The following FTO variants were observed in gnomAD, a reference collection of about 807,000 sequenced individuals.
FTO encodes the protein alpha-ketoglutarate-dependent dioxygenase FTO.
FTO carries 47 observed loss-of-function variants against 63.9 expected under a neutral mutation model. The ratio of observed to expected loss-of-function variants is 0.74; its 90% CI spans 0.58 to 0.94. The LOEUF (loss-of-function observed/expected upper bound fraction) is 0.94. Ranked by LOEUF, FTO falls within the 40% of genes least tolerant of loss-of-function variation. The pLI is 0.00. For missense variants in FTO, 562 were observed against 618.1 expected, an observed-to-expected ratio of 0.91 and a Z score of 0.96; for synonymous variants, 207 against 224.4, an observed-to-expected ratio of 0.92 and a Z score of 0.69.
chr16:53,994,783 C>T (rs2083897360), intron 8 of FTO, among the ~76,000 whole-genome samples: 1 of 151,768 alleles, frequency 6.6e-6, no homozygotes, highest in Admixed American at 6.6e-5. Flanking sequence ...GTCCGGACTG[C>T]AGTACAGTGG....
At chr16:53,716,222 C>T (rs535013997) in intron 1 of FTO, among the ~76,000 whole-genome samples, 2 of 152,240 alleles carry the variant, frequency 1.3e-5, no homozygotes, top group African/African-American at 4.8e-5. Flanking sequence ...GTTTACCACC[C>T]TAGGGGGATA....
chr16:53,847,486 G>A (rs1211503779), intron 4 of FTO, among the ~76,000 whole-genome samples: 1 of 152,148 alleles, frequency 6.6e-6, no homozygotes, highest in Admixed American at 6.5e-5. Flanking sequence ...CTGGATTATA[G>A]GCCAGGCGCA....
intron 8 of FTO, among the ~76,000 whole-genome samples, chr16:54,030,865 C>T (rs12446043): frequency 0.13 from 20,384 of 152,098 alleles, 2,885 homozygotes; most frequent in African/African-American, 0.35. Flanking sequence ...TTTACAGATT[C>T]CCTTTAGAAC....
intron 8 of FTO, among the ~76,000 whole-genome samples, chr16:54,004,389 C>CAAAT (rs60440155): frequency 0.015 from 2,217 of 148,570 alleles, 19 homozygotes; most frequent in East Asian, 0.027. Flanking sequence ...CAAGACCCTG[C>CAAAT]AAATAAATAA....
chr16:53,844,988 T>C (rs879640127), intron 4 of FTO, among the ~76,000 whole-genome samples: 3 of 152,018 alleles, frequency 2.0e-5, no homozygotes, highest in Non-Finnish European at 2.9e-5. Context: ...GGCCTTTCTC[T>C]CGACTTGTCA....
At chr16:53,779,772 G>C (rs558830808) in intron 1 of FTO, among the ~76,000 whole-genome samples, 16 of 152,228 alleles carry the variant, frequency 1.1e-4, no homozygotes, top group African/African-American at 3.9e-4. Flanking sequence ...ATTAATGCTA[G>C]CCATGGAAGC....
At chr16:54,010,695 T>A (rs1460342106) in intron 8 of FTO, among the ~76,000 whole-genome samples, 1 of 152,170 alleles carries the variant, frequency 6.6e-6, no homozygotes. Flanking sequence ...GGATTTTAAA[T>A]AACTTAATTC....
chr16:53,947,425 A>G (rs1004731433), intron 8 of FTO, among the ~76,000 whole-genome samples: 2 of 152,208 alleles, frequency 1.3e-5, no homozygotes, highest in Non-Finnish European at 2.9e-5. Flanking sequence ...AGATAACTCT[A>G]TAACTAACTC....
At chr16:53,772,069 G>T (rs930129439) in intron 1 of FTO, among the ~76,000 whole-genome samples, 2 of 151,984 alleles carry the variant, frequency 1.3e-5, no homozygotes, top group African/African-American at 4.8e-5. Flanking sequence ...ATACTTTCTG[G>T]CTTGTATACT....
At chr16:53,943,446 G>A (rs533790693) in intron 8 of FTO, among the ~76,000 whole-genome samples, 2 of 152,122 alleles carry the variant, frequency 1.3e-5, no homozygotes, top group Admixed American at 6.5e-5. Flanking sequence ...TTTCTTAGGG[G>A]CAGTGCTTCT....
At chr16:53,783,613 A>AAAAAC in intron 1 of FTO, among the ~76,000 whole-genome samples, 1 of 149,456 alleles carries the variant, frequency 6.7e-6, no homozygotes, top group Non-Finnish European at 1.5e-5. Context: ...ATAAAAAAAA[A>AAAAAC]AAAAAAAAAA....
intron 1 of FTO, among the ~76,000 whole-genome samples, chr16:53,721,665 G>C (rs1039617120): frequency 6.6e-6 from 1 of 152,176 alleles, no homozygotes; most frequent in Non-Finnish European, 1.5e-5. Flanking sequence ...TCAGTCTTAG[G>C]TTAACAGGTT....
intron 8 of FTO, among the ~76,000 whole-genome samples, chr16:53,985,734 T>G (rs1170657359): frequency 7.9e-5 from 12 of 152,174 alleles, no homozygotes; most frequent in Admixed American, 2.6e-4. Context: ...CTCTTAGTCT[T>G]TTTCTCCTTC....
intron 1 of FTO, among the ~76,000 whole-genome samples, chr16:53,750,007 T>G (rs1410108499): frequency 6.6e-6 from 1 of 152,156 alleles, no homozygotes; most frequent in African/African-American, 2.4e-5. Context: ...TATCAAAGAA[T>G]CTGTGCAAGA....
intron 8 of FTO, among the ~76,000 whole-genome samples, chr16:54,066,218 T>TA (rs1324301857): frequency 6.6e-6 from 1 of 151,622 alleles, no homozygotes; most frequent in African/African-American, 2.4e-5. Context: ...CCTGGGTCCT[T>TA]ACGGTAGTCC....
chr16:54,094,699 G>C (rs2086473040), intron 8 of FTO, among the ~76,000 whole-genome samples: 2 of 152,212 alleles, frequency 1.3e-5, no homozygotes, highest in South Asian at 4.1e-4. Flanking sequence ...TGAAGGATAA[G>C]GTTTACAGCC....
intron 8 of FTO, among the ~76,000 whole-genome samples, chr16:53,945,484 A>G (rs1292831355): frequency 6.6e-6 from 1 of 152,228 alleles, no homozygotes; most frequent in African/African-American, 2.4e-5. Flanking sequence ...AACCACTGAT[A>G]CGATTCACTT....
At chr16:53,886,675 G>C (rs746896124) in intron 6 of FTO, among the ~76,000 whole-genome samples, 1 of 152,056 alleles carries the variant, frequency 6.6e-6, no homozygotes, top group Non-Finnish European at 1.5e-5. Context: ...GTCCTACATA[G>C]CAAACAAACA....
intron 8 of FTO, among the ~76,000 whole-genome samples, chr16:54,029,723 CT>C: frequency 6.6e-6 from 1 of 152,302 alleles, no homozygotes; most frequent in African/African-American, 2.4e-5. Flanking sequence ...CCACAAGTAT[CT>C]TTCTGTGGTG....
Sources: gnomAD v4.1 joint callset for allele counts (sites outside exome capture counted in the v4.1 genomes callset) on GRCh38, gnomAD v4.1.1 for gene constraint, MANE v1.5 for transcripts, NCBI Gene and HGNC (gene_info 2026-07-23, HGNC 2026-07-21) for gene names.